MKX: variants seen among roughly 807,000 people sequenced by gnomAD.
MKX encodes mohawk homeobox.
Under a neutral mutation model 36.0 loss-of-function variants are expected in MKX, and 13 were observed. The ratio of observed to expected loss-of-function variants is 0.36; its 90% CI spans 0.24 to 0.57. The LOEUF is 0.57. Ranked by LOEUF, MKX falls within the 20% of genes least tolerant of loss-of-function variation. The pLI is 0.79. For missense variants in MKX, 458 were observed against 456.4 expected (o/e 1.00, Z -0.03); for synonymous variants, 176 against 178.3 (o/e 0.99, Z 0.10).
intron 5 of MKX, among the ~76,000 whole-genome samples, chr10:27,729,603 G>A (rs1228095227): frequency 6.6e-6 from 1 of 151,890 alleles, no homozygotes; most frequent in Non-Finnish European, 1.5e-5. Flanking sequence ...CACCGCTCCT[G>A]GCCTGCACTA....
intron 5 of MKX, among the ~76,000 whole-genome samples, chr10:27,683,191 G>C (rs1011252573): frequency 2.6e-5 from 4 of 152,076 alleles, no homozygotes; most frequent in African/African-American, 9.7e-5. Flanking sequence ...GACCACTACC[G>C]GTCCGTGGCC....
chr10:27,724,790 CA>C (rs1406917455), intron 5 of MKX, among the ~76,000 whole-genome samples: 10 of 151,312 alleles, frequency 6.6e-5, no homozygotes, highest in African/African-American at 2.4e-4. Context: ...CACACACACA[CA>C]CCCCGCAGAA....
chr10:27,741,275 A>G lies in MKX; in HGVS notation c.348+70T>C. 2 of 1,584,818 alleles carry G rather than the reference A, an allele frequency of 1.3e-6. No homozygotes were observed. The highest frequency in any genetic ancestry group is 2.3e-5 in the South Asian group (2 of 87,398). The stretch of plus-strand genomic sequence containing the variant: ...GAAGCGCCACGTGGAGAGCCACACG[A>G]ACTCTAAGCGTTCCCGCTCTTCAGC... On this transcript the variant is annotated intron_variant, in intron 3 of 6. Transcript: ENST00000419761. The surrounding 1 kb of genome is among the most constrained non-coding windows in gnomAD (Gnocchi z 5.1).
chr10:27,725,165 A>G (rs1834461778), intron 5 of MKX, among the ~76,000 whole-genome samples: 1 of 152,226 alleles, frequency 6.6e-6, no homozygotes, highest in Non-Finnish European at 1.5e-5. Flanking sequence ...ACTTGTATAG[A>G]GGTTAAAGCA....
chr10:27,733,646 C>T (rs1196709645), intron 5 of MKX, among the ~76,000 whole-genome samples: 1 of 152,156 alleles, frequency 6.6e-6, no homozygotes, highest in Non-Finnish European at 1.5e-5. Flanking sequence ...CATTTGCTGA[C>T]ATTTTCAGGA....
intron 5 of MKX, among the ~76,000 whole-genome samples, chr10:27,713,023 C>G (rs1007186587): frequency 2.0e-5 from 3 of 152,274 alleles, no homozygotes; most frequent in Middle Eastern, 3.4e-3. Context: ...TTCAACTGTA[C>G]CACGTGCACA....
intron 5 of MKX, among the ~76,000 whole-genome samples, chr10:27,702,144 C>G (rs1454612402): frequency 6.6e-6 from 1 of 152,150 alleles, no homozygotes; most frequent in Non-Finnish European, 1.5e-5. Context: ...ACAAAACTCT[C>G]TTCTGAAGCC....
chr10:27,711,506 CCT>C (rs1564357135), intron 5 of MKX, among the ~76,000 whole-genome samples: 60 of 20,868 alleles, frequency 2.9e-3, no homozygotes, highest in African/African-American at 5.4e-3. Context: ...TTCTTTCCTT[CCT>C]TCCTTCCTTC....
chr10:27,713,217 C>G (rs1836903774), intron 5 of MKX, among the ~76,000 whole-genome samples: 1 of 152,152 alleles, frequency 6.6e-6, no homozygotes, highest in African/African-American at 2.4e-5. Flanking sequence ...AGTGTCTGAC[C>G]TTCCATAGTG....
Position 27,675,381 on chromosome 10 carries a change from T to C in MKX, c.907A>G (p.Thr303Ala), listed in dbSNP as rs1455099579. 2 of 1,614,098 alleles carry C rather than the reference T, an allele frequency of 1.2e-6. No individual in the cohort carries two copies. Among genetic ancestry groups the C allele is most frequent in the Non-Finnish European group, 1.7e-6 (2 of 1,180,056 alleles). Residue 303 changes from threonine (T) to alanine (A), a missense_variant, in exon 7 of 7, where the codon ACG becomes GCG. Physicochemically the swap from Thr to Ala is moderately conservative, Grantham distance 58 (BLOSUM62 0). Around this residue, in one of 3 missense-constraint regions of MKX, gnomAD observed 297 missense variants for 304.4 expected, o/e 0.98. Coordinates refer to ENST00000419761, the MANE Select transcript of MKX (RefSeq NM_173576.3). ...GCTGCGTTGATCTCCTTCCAATACG[T>C]GTCATCCTTGCTTGGTCCTTTTCTG... is the stretch of plus-strand genomic sequence containing the variant. ...ANRKGPSKDD[T>A]YWKEINAAMA...
intron 5 of MKX, among the ~76,000 whole-genome samples, chr10:27,697,620 T>G (rs1280388549): frequency 6.6e-6 from 1 of 152,186 alleles, no homozygotes; most frequent in Non-Finnish European, 1.5e-5. Flanking sequence ...GTAACAGAAT[T>G]TGCTCTTCTC....
intron 5 of MKX, among the ~76,000 whole-genome samples, chr10:27,702,713 G>C (rs1836679352): frequency 1.3e-5 from 2 of 152,070 alleles, no homozygotes. Flanking sequence ...TCGCAGATCA[G>C]AATTAGTTTG....
intron 5 of MKX, among the ~76,000 whole-genome samples, chr10:27,693,236 G>A (rs895816639): frequency 4.6e-5 from 7 of 152,280 alleles, no homozygotes; most frequent in Non-Finnish European, 1.0e-4. Context: ...AGCCTGTGGG[G>A]TCATTCTATG....
In MKX at chr10:27,674,495, C is replaced by G. The variant is rs1437021096; in HGVS notation, c.*734G>C. ...TTAAACTTCAGCAGAACTTGAGAAA[C>G]AAATCCAGATTAATTCTAAAGGGCT... On this transcript the variant is annotated 3_prime_UTR_variant, in exon 7 of 7. Transcript: ENST00000419761. 6.6e-6 allele frequency: 1 copy of G among 152,210 alleles called. No homozygotes were observed. Among genetic ancestry groups the G allele is most frequent in the Admixed American group, 6.6e-5 (1 of 15,220 alleles). The allele number at this position is 152,210 out of a possible 1,614,324, so 9.4% of individuals were successfully genotyped here. A position where few individuals can be genotyped will look rare whatever the true frequency, so the allele number is the denominator to read the frequency against.
chr10:27,690,747 T>G (rs1836439476), intron 5 of MKX, among the ~76,000 whole-genome samples: 1 of 152,124 alleles, frequency 6.6e-6, no homozygotes, highest in African/African-American at 2.4e-5. Flanking sequence ...AAGGGGCCAC[T>G]CCAAGCTCCA....
chr10:27,725,764 A>T (rs1834474919), intron 5 of MKX, among the ~76,000 whole-genome samples: 1 of 152,130 alleles, frequency 6.6e-6, no homozygotes. Context: ...AACTTCTTGA[A>T]ATTCTTTTTA....
At chr10:27,743,830 GA>G (rs1271844531) in intron 1 of MKX, among the ~76,000 whole-genome samples, 3 of 152,180 alleles carry the variant, frequency 2.0e-5, no homozygotes, top group Admixed American at 2.0e-4. Context: ...TTGAATCTGG[GA>G]GAGGCATACT....
intron 5 of MKX, among the ~76,000 whole-genome samples, chr10:27,707,660 T>C (rs1357400938): frequency 6.6e-6 from 1 of 152,180 alleles, no homozygotes; most frequent in Non-Finnish European, 1.5e-5. Flanking sequence ...TCTCTGACAG[T>C]TACTGGCGGC....
chr10:27,741,730 T>C lies in MKX; in HGVS notation c.189-226A>G, dbSNP rs896413707. ...GTTTATCTTGAATAGGGGGATACCTTGAACCCAATACCCCAAGGTTAGAGG... is the reference window on the plus strand; with the variant it reads ...GTTTATCTTGAATAGGGGGATACCTCGAACCCAATACCCCAAGGTTAGAGG... On this transcript the variant is annotated intron_variant, in intron 2 of 6. Coordinates refer to ENST00000419761, the MANE Select transcript of MKX (RefSeq NM_173576.3). This position sits in a 1 kb window ranked among gnomAD's most constrained non-coding sequence, Gnocchi z 5.1. Among the ~76,000 whole-genome samples, 6 of 152,230 alleles carry C rather than the reference T, an allele frequency of 3.9e-5. No homozygotes were observed. Among genetic ancestry groups the C allele is most frequent in the African/African-American group, 1.4e-4 (6 of 41,472 alleles).
Sources: gnomAD v4.1 joint callset for allele counts (sites outside exome capture counted in the v4.1 genomes callset) on GRCh38, gnomAD v4.1.1 for gene constraint, gnomAD v4.1.1 regional missense constraint, Gnocchi (gnomAD v3.1) non-coding constraint, MANE v1.5 for transcripts, NCBI Gene and HGNC (gene_info 2026-07-23, HGNC 2026-07-21) for gene names.